The following SPEG variants were observed in gnomAD, a reference collection of about 807,000 sequenced individuals.
The protein encoded by SPEG is striated muscle preferentially expressed protein kinase.
In SPEG, 114 loss-of-function variants were observed where a neutral mutation model predicts 300.4. The ratio of observed to expected loss-of-function variants is 0.38; its 90% CI spans 0.33 to 0.44. SPEG has a LOEUF of 0.44. Ranked by LOEUF, SPEG falls within the 20% of genes least tolerant of loss-of-function variation. The pLI is 1.00. For missense variants in SPEG, 4,201 were observed against 4,586.2 expected (o/e 0.92, Z 2.43); for synonymous variants, 1,964 against 2,018.9 (o/e 0.97, Z 0.73).
rs368240598 is a variant in SPEG, at chr2:219,464,478, G to A, written c.2751G>A (p.Ala917=). Residue 917 remains alanine (A), a synonymous_variant, in exon 9 of 41, where the codon GCG becomes GCA. Transcript: ENST00000312358. This position sits in a 1 kb window ranked among gnomAD's most constrained non-coding sequence, Gnocchi z 4.5. ...TGCGCCCAGACCAGCGGCGCTTTGC[G>A]GAGGAGGCTGAGGGTGGGCTGTGCC... ...QPVRPDQRRF[A]EEAEGGLCRL... is the part of the protein sequence containing the mutation. The A allele has an allele frequency of 3.3e-5, 53 of 1,613,604 alleles. 1 individual carries two copies. Among genetic ancestry groups the A allele is most frequent in the Non-Finnish European group, 4.1e-5 (48 of 1,180,022 alleles).
In SPEG at chr2:219,483,044, G is replaced by A. The variant is rs1386110417; in HGVS notation, c.5635-54G>A. On this transcript the variant is annotated intron_variant, in intron 29 of 40. Transcript: ENST00000312358. ...CCCAGGGCTGAGGTGGGCCTGGGGGGGACAATCCTGCCCCAGGGGTCCCTC... is the reference window on the plus strand; with the variant it reads ...CCCAGGGCTGAGGTGGGCCTGGGGGAGACAATCCTGCCCCAGGGGTCCCTC... The A allele has an allele frequency of 6.5e-6, 10 of 1,546,222 alleles. No homozygotes were observed. The African/African-American group carries it at 9.5e-5, about 15-fold the overall frequency.
chr2:219,469,705 G>A (rs191165352), intron 13 of SPEG, among the ~76,000 whole-genome samples: 2 of 152,274 alleles, frequency 1.3e-5, no homozygotes, highest in East Asian at 1.9e-4. Flanking sequence ...GGGTTGTTAC[G>A]AGACTAAATC....
In SPEG at chr2:219,492,603, C is replaced by T. The variant is rs766770633; in HGVS notation, c.9621C>T (p.Pro3207=). The change falls in exon 41 of 41, where the codon CCC becomes CCT. Residue 3207 remains proline (P), a synonymous_variant. Coordinates refer to ENST00000312358, the MANE Select transcript of SPEG (RefSeq NM_005876.5). ...KVLSVHPWSR[P]SLQDCLAHPW... The stretch of plus-strand genomic sequence containing the variant: ...TGGCTCTGCCTGGCAGGAGCCGGCC[C>T]TCCCTGCAGGACTGCCTGGCCCACC... The T allele has an allele frequency of 5.5e-5, 89 of 1,609,142 alleles. No individual in the cohort carries two copies. The highest frequency in any genetic ancestry group is 6.3e-5 in the Non-Finnish European group (74 of 1,179,980).
chr2:219,448,684 A>G lies in SPEG; in HGVS notation c.1526A>G (p.Glu509Gly). Residue 509 changes from glutamate (E) to glycine (G), a missense_variant, in exon 4 of 41, where the codon GAG (glutamate) becomes GGG (glycine). Physicochemically the swap from Glu to Gly is moderately conservative, Grantham distance 98 (BLOSUM62 -2). This residue lies in a region of SPEG where 1,258 missense variants were observed against 1,293.9 expected (regional missense o/e 0.97). Transcript: ENST00000312358. ...ATCCGCCGCTCCACGTCGCGGGAGG[A>G]GCTGGTGCGCTCGCACGAGTCCCTG... ...GRIRRSTSRE[E>G]LVRSHESLRA... The G allele has an allele frequency of 1.3e-6, 2 of 1,493,522 alleles. No homozygotes were observed. The highest frequency in any genetic ancestry group is 1.8e-6 in the Non-Finnish European group (2 of 1,129,854). The allele number at this position is 1,493,522 out of a possible 1,614,324, so 92.5% of individuals were successfully genotyped here. A position where few individuals can be genotyped will look rare whatever the true frequency, so the allele number is the denominator to read the frequency against.
rs376367804 is a variant in SPEG at position 219,472,998 on chromosome 2, G to A, written c.4049G>A (p.Arg1350His). Residue 1350 changes from arginine to histidine, a missense_variant, in exon 16 of 41, where the codon CGT (arginine) becomes CAT (histidine). Physicochemically the swap from Arg to His is conservative, Grantham distance 29 (BLOSUM62 0). Transcript: ENST00000312358. ...CCAGGGTGGGCAGCCACAGGGCTGC[G>A]TAAGGGGGTCCAGCACATCTTCCGG... ...REPGWAATGL[R>H]KGVQHIFRVL... 8.1e-6 allele frequency: 13 copies of A among 1,613,904 alleles called. No homozygotes were observed. In the Admixed American group the frequency reaches 8.3e-5, roughly 10 times the overall value.
rs771651869 is a variant in SPEG at position 219,490,398 on chromosome 2, C to T, written c.8922-11C>T. On this transcript the variant is annotated splice_polypyrimidine_tract_variant and intron_variant, in intron 36 of 40. Coordinates refer to ENST00000312358, the MANE Select transcript of SPEG (RefSeq NM_005876.5). ...CTCTGAGCCGGTGGTGTCCCTCCCCCCGACACACAGGGGCCGCTTTGGTGT... is the reference window on the plus strand; with the variant it reads ...CTCTGAGCCGGTGGTGTCCCTCCCCTCGACACACAGGGGCCGCTTTGGTGT... 1 of 1,606,122 alleles carries T rather than the reference C, an allele frequency of 6.2e-7. No individual in the cohort carries two copies. Among genetic ancestry groups the T allele is most frequent in the South Asian group, 1.1e-5 (1 of 90,710 alleles).
Position 219,489,056 on chromosome 2 carries a change from G to A in SPEG, c.8152G>A (p.Glu2718Lys), listed in dbSNP as rs750625778. The A allele has an allele frequency of 1.9e-6, 3 of 1,613,754 alleles. No individual in the cohort carries two copies. In the South Asian group the frequency reaches 3.3e-5, roughly 18 times the overall value. The change falls in exon 35 of 41, where the codon GAG becomes AAG. Residue 2718 changes from glutamate (E) to lysine (K), a missense_variant and splice_region_variant. Physicochemically the swap from Glu to Lys is moderately conservative, Grantham distance 56. This residue lies in a region of SPEG where 1,578 missense variants were observed against 1,506.0 expected (regional missense o/e 1.05). Transcript: ENST00000312358. ...TYTLERRVDG[E>K]SVWHPVSSGI... The stretch of plus-strand genomic sequence containing the variant: ...CCCCTCCCCCATACTGCCTATAGGG[G>A]AGTCTGTGTGGCACCCTGTGAGCTC...
intron 31 of SPEG, among the ~76,000 whole-genome samples, chr2:219,485,731 T>G (rs1693355322): frequency 1.3e-5 from 2 of 152,220 alleles, no homozygotes; most frequent in Admixed American, 1.3e-4. Context: ...TTGTCTCTAC[T>G]GTACAGGTGA....
intron 18 of SPEG, chr2:219,474,374 G>A: frequency 8.5e-6 from 1 of 118,020 alleles, no homozygotes; most frequent in South Asian, 3.0e-4. Context: ...GCAAAACTCT[G>A]TCTCAAAAAA....
At position 219,468,651 on chromosome 2, in the gene SPEG, T is replaced by A. The variant is rs1691591423; in HGVS notation, c.3216T>A (p.Asp1072Glu). 1 of 1,613,994 alleles carries A rather than the reference T, an allele frequency of 6.2e-7. No homozygotes were observed. The highest frequency in any genetic ancestry group is 8.5e-7 in the Non-Finnish European group (1 of 1,179,976). ...LAPLFTRLLE[D>E]VEVLEGRAAR... ...CCCTGTTCACACGGCTGCTGGAAGATGTGGAGGTGTTGGAGGGCCGAGCTG... is the reference window on the plus strand; with the variant it reads ...CCCTGTTCACACGGCTGCTGGAAGAAGTGGAGGTGTTGGAGGGCCGAGCTG... Residue 1072 changes from aspartate to glutamate, a missense_variant, in exon 11 of 41, where the codon GAT becomes GAA. Around this residue, in one of 4 missense-constraint regions of SPEG, gnomAD observed 1,047 missense variants for 1,356.8 expected, o/e 0.77. Transcript: ENST00000312358.
Position 219,484,624 on chromosome 2 carries a change from G to A in SPEG, c.7161G>A (p.Arg2387=), listed in dbSNP as rs1367810725. ...PAGTPLELVR[R]PERSRSVQDL... is the part of the protein sequence containing the mutation. Reference sequence around the variant, plus strand: ...GGACCCCGCTGGAGCTGGTGCGACGGCCTGAGCGCTCACGCTCGGTGCAGG... The same window carrying A: ...GGACCCCGCTGGAGCTGGTGCGACGACCTGAGCGCTCACGCTCGGTGCAGG... Residue 2387 remains arginine, a synonymous_variant, in exon 30 of 41, where the codon CGG becomes CGA. Coordinates refer to ENST00000312358, the MANE Select transcript of SPEG (RefSeq NM_005876.5). 6.5e-7 allele frequency: 1 copy of A among 1,546,946 alleles called. No homozygotes were observed. The highest frequency in any genetic ancestry group is 1.4e-5 in the African/African-American group (1 of 73,308).
intron 3 of SPEG, among the ~76,000 whole-genome samples, chr2:219,446,501 GTC>G (rs1433328887): frequency 6.6e-6 from 1 of 152,138 alleles, no homozygotes; most frequent in Admixed American, 6.5e-5. Flanking sequence ...TGGGGTTTCT[GTC>G]TCTCAGGCCA....
In SPEG at chr2:219,455,363, G is replaced by C. The variant is rs140994531; in HGVS notation, c.2440+3556G>C. ...ATCAATAGACATTTCTGTGATGATG[G>C]AGATGCTCTATATGTGTGTGGTCCA... On this transcript the variant is annotated intron_variant, in intron 6 of 40. Transcript: ENST00000312358. Among the ~76,000 whole-genome samples, 955 of 152,348 alleles carry C rather than the reference G, an allele frequency of 6.3e-3. 47 individuals carry two copies. The highest frequency in any genetic ancestry group is 0.056 in the Admixed American group (861 of 15,306).
Position 219,472,252 on chromosome 2 carries a change from C to G in SPEG, c.3861C>G (p.Gly1287=), listed in dbSNP as rs771154003. 6.2e-7 allele frequency: 1 copy of G among 1,613,834 alleles called. No homozygotes were observed. The highest frequency in any genetic ancestry group is 2.2e-5 in the East Asian group (1 of 44,882). The part of the protein sequence containing the change: ...VTDVVPGPPD[G]APQVVAVTGR... ...ATGTGGTCCCAGGCCCTCCAGATGG[C>G]GCCCCGCAGGTGGTGGCTGTGACGG... Residue 1287 remains glycine (G), a synonymous_variant, in exon 15 of 41, where the codon GGC becomes GGG. Transcript: ENST00000312358.
In SPEG at chr2:219,488,382, A is replaced by G. The variant is rs875097; in HGVS notation, c.7858+72A>G. On this transcript the variant is annotated intron_variant, in intron 32 of 40. Coordinates refer to ENST00000312358, the MANE Select transcript of SPEG (RefSeq NM_005876.5). ...CTGAGCCCAGGGGATGGGAGGGGCT[A>G]GGCCGGAGTGGGGACTGAGCACGGT... 0.66 allele frequency: 988,973 copies of G among 1,498,848 alleles called. 337,598 individuals are homozygous for G. The highest frequency in any genetic ancestry group is 0.74 in the East Asian group (32,286 of 43,792). 92.8% of individuals were successfully genotyped at this position (1,498,848 alleles called of 1,614,324 possible). A position where few individuals can be genotyped will look rare whatever the true frequency, so the allele number is the denominator to read the frequency against.
rs1459324195 is a variant in SPEG at position 219,459,463 on chromosome 2, T to C, written c.2441-2419T>C. On this transcript the variant is annotated intron_variant, in intron 6 of 40. Coordinates refer to ENST00000312358, the MANE Select transcript of SPEG (RefSeq NM_005876.5). This position sits in a 1 kb window ranked among gnomAD's most constrained non-coding sequence, Gnocchi z 4.9. ...TTTGGAGGTATGGAGGGGCAGAGGC[T>C]ACTGCCTTGTCTGGAAGAGGCCTGG... Among the ~76,000 whole-genome samples the C allele has an allele frequency of 6.6e-6, 1 of 152,198 alleles. No individual in the cohort carries two copies. The highest frequency in any genetic ancestry group is 1.5e-5 in the Non-Finnish European group (1 of 68,036).
intron 14 of SPEG, 88 bp from the exon 15 acceptor site, chr2:219,472,139 A>G: frequency 6.5e-7 from 1 of 1,533,032 alleles, no homozygotes; most frequent in Non-Finnish European, 8.9e-7. Flanking sequence ...CTGAGCCCCC[A>G]GGCCCTAGCC....
At chr2:219,463,329 G>C (rs560508664) in intron 8 of SPEG, among the ~76,000 whole-genome samples, 1 of 144,994 alleles carries the variant, frequency 6.9e-6, no homozygotes, top group South Asian at 2.2e-4. Flanking sequence ...TACTCAGCTT[G>C]CTAATTTTTT....
intron 13 of SPEG, chr2:219,471,629 G>T: frequency 1.8e-6 from 1 of 554,624 alleles, no homozygotes; most frequent in Admixed American, 3.2e-5. Context: ...ACACACTGGA[G>T]GGACAGACCA....
Sources: allele counts gnomAD v4.1 joint callset (sites outside exome capture counted in the v4.1 genomes callset), GRCh38; gene constraint gnomAD v4.1.1; regional missense constraint gnomAD v4.1.1; non-coding constraint Gnocchi (gnomAD v3.1); transcripts MANE v1.5; gene names NCBI Gene and HGNC (gene_info 2026-07-23, HGNC 2026-07-21).